The following ARHGAP15 variants were observed in gnomAD, a reference collection of about 807,000 sequenced individuals.
The protein encoded by ARHGAP15 is rho GTPase-activating protein 15.
Under a neutral mutation model 63.7 loss-of-function variants are expected in ARHGAP15, and 51 were observed. The observed-to-expected ratio is 0.80, with a 90% CI of 0.64 to 1.01. ARHGAP15 has a LOEUF of 1.01. ARHGAP15 is among the 50% of genes least tolerant of loss of function. ARHGAP15 has a pLI of 0.00. For missense variants in ARHGAP15, 560 were observed against 564.6 expected (o/e 0.99, Z 0.08); for synonymous variants, 191 against 193.8 (o/e 0.99, Z 0.12).
At chr2:143,463,300 G>C (rs1203293511) in intron 8 of ARHGAP15, among the ~76,000 whole-genome samples, 1 of 152,026 alleles carries the variant, frequency 6.6e-6, no homozygotes, top group Non-Finnish European at 1.5e-5. Context: ...CCAGCACTTT[G>C]GGAGGCCAAG....
chr2:143,694,436 C>T (rs550528122), intron 12 of ARHGAP15, among the ~76,000 whole-genome samples: 12 of 152,260 alleles, frequency 7.9e-5, no homozygotes, highest in South Asian at 6.2e-4. Context: ...GTGCAGGTAA[C>T]GGCTTTACAA....
intron 6 of ARHGAP15, among the ~76,000 whole-genome samples, chr2:143,332,720 A>C (rs1684602217): frequency 1.3e-5 from 2 of 152,288 alleles, no homozygotes; most frequent in East Asian, 3.9e-4. Context: ...GGAAAAGAAG[A>C]GCTCTGAGTG....
At chr2:143,540,441 T>G (rs1357567043) in intron 10 of ARHGAP15, among the ~76,000 whole-genome samples, 1 of 152,192 alleles carries the variant, frequency 6.6e-6, no homozygotes, top group Non-Finnish European at 1.5e-5. Context: ...GTTATTTTGC[T>G]TGTTAGTTGA....
Position 143,675,310 on chromosome 2 carries a change from C to G in ARHGAP15, c.1139-28109C>G, listed in dbSNP as rs540406960. Among the ~76,000 whole-genome samples, 4 of 152,280 alleles carry G rather than the reference C, an allele frequency of 2.6e-5. No individual in the cohort carries two copies. In the East Asian group the frequency reaches 7.7e-4, roughly 29 times the overall value. On this transcript the variant is annotated intron_variant, in intron 12 of 13. Transcript: ENST00000295095. ...CACTGAAGTCTTAACTCCTCAAAGT[C>G]ATCCATGAGAATTGGAATCAACCTC...
chr2:143,263,701 T>A (rs551513485), intron 6 of ARHGAP15, among the ~76,000 whole-genome samples: 85 of 152,236 alleles, frequency 5.6e-4, no homozygotes, highest in African/African-American at 1.9e-3. Context: ...TTTCCCAGGC[T>A]TCTTGTTTCT....
intron 11 of ARHGAP15, among the ~76,000 whole-genome samples, chr2:143,558,251 C>G (rs1695888330): frequency 6.6e-6 from 1 of 151,882 alleles, no homozygotes; most frequent in Admixed American, 6.6e-5. Flanking sequence ...TTTGCACATG[C>G]TCTTCCCTTT....
chr2:143,197,617 C>T (rs2105103407), intron 2 of ARHGAP15, among the ~76,000 whole-genome samples: 1 of 152,052 alleles, frequency 6.6e-6, no homozygotes, highest in South Asian at 2.1e-4. Context: ...AGTCATAAGT[C>T]TCAGTCAACA....
intron 12 of ARHGAP15, among the ~76,000 whole-genome samples, chr2:143,639,987 A>T (rs925174321): frequency 1.3e-5 from 2 of 152,148 alleles, no homozygotes; most frequent in Non-Finnish European, 2.9e-5. Context: ...TTTGTTTCCC[A>T]GGCTTGTATG....
chr2:143,501,408 AC>A (rs1390487493), intron 9 of ARHGAP15, among the ~76,000 whole-genome samples: 19 of 152,360 alleles, frequency 1.2e-4, no homozygotes, highest in South Asian at 2.1e-4. Context: ...ATTTGACAGG[AC>A]CTCACTCAAT....
At chr2:143,748,363 A>G (rs1686245933) in intron 13 of ARHGAP15, among the ~76,000 whole-genome samples, 1 of 152,174 alleles carries the variant, frequency 6.6e-6, no homozygotes, top group South Asian at 2.1e-4. Context: ...TTTTGATGTC[A>G]AATAACATTG....
chr2:143,452,674 T>TG (rs1690462354), intron 8 of ARHGAP15, among the ~76,000 whole-genome samples: 1 of 136,492 alleles, frequency 7.3e-6, no homozygotes, highest in African/African-American at 2.6e-5. Context: ...TTTTTTTTTT[T>TG]GTCTCAATGC....
At chr2:143,271,194 G>A (rs778417034) in intron 6 of ARHGAP15, among the ~76,000 whole-genome samples, 1 of 152,060 alleles carries the variant, frequency 6.6e-6, no homozygotes, top group Non-Finnish European at 1.5e-5. Context: ...GATTTCTCCT[G>A]CATTGATTCT....
At chr2:143,463,255 T>TA (rs397815795) in intron 8 of ARHGAP15, among the ~76,000 whole-genome samples, 10 of 151,822 alleles carry the variant, frequency 6.6e-5, no homozygotes, top group African/African-American at 2.4e-4. Flanking sequence ...TATATATATA[T>TA]TATAGGCCGG....
chr2:143,313,329 T>C (rs945918449), intron 6 of ARHGAP15, among the ~76,000 whole-genome samples: 1 of 152,138 alleles, frequency 6.6e-6, no homozygotes, highest in Non-Finnish European at 1.5e-5. Context: ...GCCAGATATT[T>C]TATGGATAGA....
intron 6 of ARHGAP15, among the ~76,000 whole-genome samples, chr2:143,330,132 C>CAAAAAAAAAAAAAAA (rs367621500): frequency 2.0e-5 from 1 of 48,932 alleles, no homozygotes; most frequent in African/African-American, 6.3e-5. Context: ...AAAAAAAAAA[C>CAAAAAAAAAAAAAAA]CAAAAACAAA....
intron 10 of ARHGAP15, among the ~76,000 whole-genome samples, chr2:143,532,414 G>C (rs1694559986): frequency 6.6e-6 from 1 of 152,166 alleles, no homozygotes. Flanking sequence ...TTGGTCTGAT[G>C]ATATATGTAT....
At chr2:143,138,223 A>T (rs1385205980) in intron 1 of ARHGAP15, among the ~76,000 whole-genome samples, 1 of 152,110 alleles carries the variant, frequency 6.6e-6, no homozygotes, top group Non-Finnish European at 1.5e-5. Context: ...TGGTATCCAC[A>T]AAAATCATGT....
chr2:143,131,431 C>T (rs72849909), intron 1 of ARHGAP15, among the ~76,000 whole-genome samples: 1 of 152,292 alleles, frequency 6.6e-6, no homozygotes, highest in Non-Finnish European at 1.5e-5. Context: ...GAATGTCGTG[C>T]TTTTCCACTT....
chr2:143,641,458 T>C (rs1392064457), intron 12 of ARHGAP15, among the ~76,000 whole-genome samples: 2 of 152,272 alleles, frequency 1.3e-5, no homozygotes, highest in East Asian at 1.9e-4. Context: ...GAATAAGGTA[T>C]CACATGAGAA....
Sources: allele counts gnomAD v4.1 joint callset (sites outside exome capture counted in the v4.1 genomes callset), GRCh38; gene constraint gnomAD v4.1.1; transcripts MANE v1.5; gene names NCBI Gene and HGNC (gene_info 2026-07-23, HGNC 2026-07-21).